The following HECW1 variants were observed in gnomAD, a reference collection of about 807,000 sequenced individuals.
HECW1 encodes the protein E3 ubiquitin-protein ligase HECW1.
Under a neutral mutation model 182.3 loss-of-function variants are expected in HECW1, and 61 were observed. That is an observed-to-expected ratio of 0.33 (90% CI 0.27 to 0.41). HECW1 has a LOEUF of 0.41. Among genes scored for constraint, HECW1 ranks in the 10% least tolerant of loss-of-function variants. HECW1 has a pLI of 1.00. For synonymous variants in HECW1, 859 were observed against 832.6 expected, an observed-to-expected ratio of 1.03 and a Z score of -0.55; for missense variants, 1,739 against 2,108.9, an observed-to-expected ratio of 0.82 and a Z score of 3.44.
At chr7:43,140,982 C>G (rs1788092043) in intron 2 of HECW1, among the ~76,000 whole-genome samples, 1 of 152,206 alleles carries the variant, frequency 6.6e-6, no homozygotes, top group Non-Finnish European at 1.5e-5. Context: ...CCCTGCCCTT[C>G]TGACCTCATT....
At position 43,514,072 on chromosome 7, in the gene HECW1, C is replaced by T. The variant is rs146713816; in HGVS notation, c.4019+4951C>T. On this transcript the variant is annotated intron_variant, in intron 24 of 29. Coordinates refer to ENST00000395891, the MANE Select transcript of HECW1 (RefSeq NM_015052.5). ...GAGGACAGAGGCTCTCCAGATACTG[C>T]AACCCACAGTGGCCAGTCCCTAAGT... Among the ~76,000 whole-genome samples the T allele has an allele frequency of 9.5e-3, 1,444 of 152,254 alleles. 23 individuals are homozygous for T. The highest frequency in any genetic ancestry group is 0.032 in the African/African-American group (1,332 of 41,528).
At chr7:43,148,939 A>G (rs778071854) in intron 2 of HECW1, 22 of 152,114 alleles carry the variant, frequency 1.4e-4, no homozygotes, top group Non-Finnish European at 2.5e-4. Flanking sequence ...TTCAGCCCTG[A>G]AAGTAAATGA....
chr7:43,463,560 G>A (rs1359695709), intron 13 of HECW1, 100 bp from the exon 14 acceptor site: 1 of 1,135,180 alleles, frequency 8.8e-7, no homozygotes, highest in African/African-American at 1.5e-5. Context: ...TGACATTCAA[G>A]ACAATTCTTT....
intron 3 of HECW1, among the ~76,000 whole-genome samples, chr7:43,261,149 A>G (rs1282768908): frequency 1.3e-5 from 2 of 152,220 alleles, no homozygotes; most frequent in Admixed American, 6.5e-5. Flanking sequence ...GAGTCGCAGG[A>G]GACTGAGGCA....
chr7:43,391,595 G>A (rs1465552950), intron 6 of HECW1, among the ~76,000 whole-genome samples: 1 of 152,184 alleles, frequency 6.6e-6, no homozygotes, highest in East Asian at 1.9e-4. Context: ...CCCTGAGGTT[G>A]GGGAGATTTC....
chr7:43,345,984 A>C (rs150970693), intron 5 of HECW1, among the ~76,000 whole-genome samples: 5,477 of 152,016 alleles, frequency 0.036, 336 homozygotes, highest in African/African-American at 0.12. Flanking sequence ...TCAAATAATG[A>C]CTTCTTTTCC....
intron 11 of HECW1, among the ~76,000 whole-genome samples, 157 bp from the exon 12 acceptor site, chr7:43,450,671 G>A (rs1457564650): frequency 2.0e-5 from 3 of 152,028 alleles, no homozygotes; most frequent in Non-Finnish European, 4.4e-5. Flanking sequence ...CCCCCCTCAC[G>A]AATGACTGTG....
intron 3 of HECW1, among the ~76,000 whole-genome samples, chr7:43,276,108 T>C (rs1803109563): frequency 1.3e-5 from 2 of 152,214 alleles, no homozygotes; most frequent in Admixed American, 6.5e-5. Context: ...AGTGGGAAGA[T>C]GTGACCTTTT....
At chr7:43,157,365 A>G (rs1488389047) in intron 2 of HECW1, among the ~76,000 whole-genome samples, 1 of 152,202 alleles carries the variant, frequency 6.6e-6, no homozygotes, top group African/African-American at 2.4e-5. Context: ...AGACCAAAGT[A>G]TAAAAAAAAA....
intron 2 of HECW1, among the ~76,000 whole-genome samples, chr7:43,124,030 G>C (rs1265429599): frequency 6.6e-6 from 1 of 152,238 alleles, no homozygotes; most frequent in East Asian, 1.9e-4. Flanking sequence ...GAGTGATTGG[G>C]GGTGGGTAGG....
chr7:43,471,169 G>A (rs984750326), intron 16 of HECW1, among the ~76,000 whole-genome samples: 1 of 152,194 alleles, frequency 6.6e-6, no homozygotes, highest in African/African-American at 2.4e-5. Context: ...TGTGAAGTGG[G>A]GGAAATAAAA....
intron 8 of HECW1, among the ~76,000 whole-genome samples, chr7:43,415,536 T>C (rs2075963427): frequency 6.6e-6 from 1 of 152,142 alleles, no homozygotes; most frequent in Non-Finnish European, 1.5e-5. Flanking sequence ...AGAGTATCTT[T>C]GTGGCGTTCT....
rs1158545383 is a variant in HECW1 at position 43,552,331 on chromosome 7, G to A, written c.4505G>A (p.Arg1502Gln). ...GACTGGCGGAATAACACTGAGTACC[G>A]GGGAGGTGAGTGGGCAGGAGCTGTA... ...LNDWRNNTEY[R>Q]GGYHDGHLVI... Residue 1502 changes from arginine to glutamine, a missense_variant, in exon 28 of 30, where the codon CGG becomes CAG. Physicochemically the swap from Arg to Gln is conservative, Grantham distance 43 (BLOSUM62 1). This residue lies in a region of HECW1 where 420 missense variants were observed against 595.7 expected (regional missense o/e 0.71). Transcript: ENST00000395891. 5.6e-6 allele frequency: 9 copies of A among 1,593,158 alleles called. No homozygotes were observed. The highest frequency in any genetic ancestry group is 2.2e-5 in the East Asian group (1 of 44,758).
At chr7:43,531,683 C>T (rs1302172391) in intron 24 of HECW1, among the ~76,000 whole-genome samples, 1 of 152,156 alleles carries the variant, frequency 6.6e-6, no homozygotes, top group Non-Finnish European at 1.5e-5. Context: ...TTGCCAAAAC[C>T]ATCTGGTGAC....
chr7:43,379,924 C>T (rs960516255), intron 6 of HECW1, among the ~76,000 whole-genome samples: 1 of 152,232 alleles, frequency 6.6e-6, no homozygotes, highest in African/African-American at 2.4e-5. Flanking sequence ...TGCCTGTCCT[C>T]TTCAGAGCTG....
intron 3 of HECW1, among the ~76,000 whole-genome samples, chr7:43,253,279 G>A (rs1176814186): frequency 1.3e-5 from 2 of 152,180 alleles, no homozygotes; most frequent in Non-Finnish European, 2.9e-5. Context: ...ACGGTAGCAT[G>A]AAGGGAAGGA....
At chr7:43,537,922 C>T (rs1426289424) in intron 24 of HECW1, among the ~76,000 whole-genome samples, 4 of 152,190 alleles carry the variant, frequency 2.6e-5, no homozygotes, top group South Asian at 2.1e-4. Flanking sequence ...TGGCAGTCTG[C>T]GCTGCAGTCC....
intron 8 of HECW1, among the ~76,000 whole-genome samples, chr7:43,417,246 C>G (rs2076041736): frequency 1.3e-5 from 2 of 152,140 alleles, no homozygotes. Context: ...AGATGGGTTT[C>G]ACCATGTTGG....
At position 43,562,299 on chromosome 7, in the gene HECW1, G is replaced by A. The variant is rs1036341015; in HGVS notation, c.*373G>A. 2 of 246,408 alleles carry A rather than the reference G, an allele frequency of 8.1e-6. No homozygotes were observed. Among genetic ancestry groups the A allele is most frequent in the African/African-American group, 4.4e-5 (2 of 45,394 alleles). The allele number at this position is 246,408 out of a possible 1,614,324, so 15.3% of individuals were successfully genotyped here. On this transcript the variant is annotated 3_prime_UTR_variant, in exon 30 of 30. Transcript: ENST00000395891. ...CCATTTCTATCATTGAAGGGAAAAT[G>A]TGAGCATTAAGCACTCCAGGCTTTC...
Sources: allele counts gnomAD v4.1 joint callset (sites outside exome capture counted in the v4.1 genomes callset), GRCh38; gene constraint gnomAD v4.1.1; regional missense constraint gnomAD v4.1.1; transcripts MANE v1.5; gene names NCBI Gene and HGNC (gene_info 2026-07-23, HGNC 2026-07-21).